LTK: variants seen among roughly 807,000 people sequenced by gnomAD.
The protein encoded by LTK is leukocyte tyrosine kinase receptor.
Under a neutral mutation model 101.5 loss-of-function variants are expected in LTK, and 117 were observed. The observed-to-expected ratio is 1.15, with a 90% CI of 0.99 to 1.34. The LOEUF is 1.34. Ranked by LOEUF, LTK falls within the 40% of genes most tolerant of loss-of-function variation. The pLI is 0.00. For synonymous variants in LTK, 563 were observed against 494.2 expected (o/e 1.14, Z -1.85); for missense variants, 1,252 against 1,164.7 (o/e 1.07, Z -1.09).
intron 12 of LTK, 32 bp from the exon 13 acceptor site, chr15:41,505,809 G>T (rs773602721): frequency 1.9e-6 from 3 of 1,610,876 alleles, no homozygotes; most frequent in Non-Finnish European, 2.5e-6. Flanking sequence ...TTTCTGAGCT[G>T]CCCTGCACGC....
rs763609055 is a variant in LTK, at chr15:41,511,784, A to AC, written c.657+32dup. On this transcript the variant is annotated intron_variant, in intron 5 of 19. Coordinates refer to ENST00000263800, the MANE Select transcript of LTK (RefSeq NM_002344.6). This position sits in a 1 kb window ranked among gnomAD's most constrained non-coding sequence, Gnocchi z 5.9. ...GAGCGCCCCTGGGGAGAGGATTGGG[A>AC]CCCCAACGCTGAGCGCCGAAGGGAG... The AC allele has an allele frequency of 1.8e-5, 26 of 1,478,308 alleles. No homozygotes were observed. The African/African-American group carries it at 3.3e-4, about 19-fold the overall frequency. 91.6% of individuals were successfully genotyped at this position (1,478,308 alleles called of 1,614,324 possible). A position where few individuals can be genotyped will look rare whatever the true frequency, so the allele number is the denominator to read the frequency against.
intron 7 of LTK, among the ~76,000 whole-genome samples, chr15:41,510,495 CTT>C (rs35271314): frequency 0.39 from 58,800 of 151,148 alleles, 12,084 homozygotes; most frequent in Admixed American, 0.45. Context: ...GAATTTCCCT[CTT>C]GTCGCCCAGG....
At chr15:41,505,629 G>T in intron 13 of LTK, 84 bp downstream of exon 13, 1 of 1,602,194 alleles carries the variant, frequency 6.2e-7, no homozygotes, top group Admixed American at 1.7e-5. Flanking sequence ...CCCCTGACTT[G>T]CTACCTCAGC....
chr15:41,504,037 G>A lies in LTK; in HGVS notation c.2554C>T (p.Leu852Phe), dbSNP rs561901675. The A allele has an allele frequency of 6.2e-7, 1 of 1,612,290 alleles. No homozygotes were observed. The highest frequency in any genetic ancestry group is 1.1e-5 in the South Asian group (1 of 90,958). The change falls in exon 20 of 20, where the codon CTC (leucine) becomes TTC (phenylalanine). Residue 852 changes from leucine (L) to phenylalanine (F), a missense_variant. By Grantham distance (22) the Leu-to-Phe change is conservative (BLOSUM62 0). Transcript: ENST00000263800. ...SGLKPLKSRGLQPQNLWNPTY... is the reference protein window; with the variant it reads ...SGLKPLKSRGFQPQNLWNPTY... ...GGATTCCAAAGGTTCTGAGGTTGGA[G>A]GCCCCTGGATTTGAGGGGCTTGAGG...
chr15:41,506,417 G>A (rs980612798), intron 11 of LTK, among the ~76,000 whole-genome samples: 4 of 152,082 alleles, frequency 2.6e-5, no homozygotes, highest in Admixed American at 1.3e-4. Flanking sequence ...TGATTCTCCT[G>A]CCTCAGTCTC....
Position 41,505,731 on chromosome 15 carries a change from A to G in LTK, c.1679T>C (p.Met560Thr), listed in dbSNP as rs1037136967. Reference sequence around the variant, plus strand: ...GGTGCACCTGATGATGAGGGCCTCCATGAGGAAATCCAGCTCATCCTGAGG... The same window carrying G: ...GGTGCACCTGATGATGAGGGCCTCCGTGAGGAAATCCAGCTCATCCTGAGG... ...CSPQDELDFL[M>T]EALIISKFRH... The change falls in exon 13 of 20, where the codon ATG (methionine) becomes ACG (threonine). Residue 560 changes from methionine to threonine, a missense_variant. By Grantham distance (81) the Met-to-Thr change is moderately conservative. Transcript: ENST00000263800. 2 of 1,613,882 alleles carry G rather than the reference A, an allele frequency of 1.2e-6. No homozygotes were observed. Among genetic ancestry groups the G allele is most frequent in the Non-Finnish European group, 1.7e-6 (2 of 1,179,944 alleles).
rs2051229845 is a variant in LTK, at chr15:41,505,263, C to T, written c.1870G>A (p.Ala624Thr). Residue 624 changes from alanine (A) to threonine (T), a missense_variant, in exon 15 of 20, where the codon GCC becomes ACC. Transcript: ENST00000263800. ...PLVMRDLLQL[A>T]QDIAQGCHYL... is the part of the protein sequence containing the mutation. ...TGGCAGCCCTGGGCTATGTCCTGGGCCAGTTGCAGCAGGTCCCGCATGACC... is the reference window on the plus strand; with the variant it reads ...TGGCAGCCCTGGGCTATGTCCTGGGTCAGTTGCAGCAGGTCCCGCATGACC... The T allele has an allele frequency of 1.9e-6, 3 of 1,613,878 alleles. No homozygotes were observed. The highest frequency in any genetic ancestry group is 2.2e-5 in the South Asian group (2 of 91,072).
intron 11 of LTK, among the ~76,000 whole-genome samples, chr15:41,506,369 A>C (rs997456474): frequency 6.6e-6 from 1 of 152,106 alleles, no homozygotes. Flanking sequence ...CAATAGCGCG[A>C]TCTCGGCTCA....
Position 41,512,149 on chromosome 15 carries a change from A to G in LTK, c.476T>C (p.Leu159Pro), listed in dbSNP as rs756764727. The G allele has an allele frequency of 1.2e-6, 2 of 1,602,928 alleles. No homozygotes were observed. The highest frequency in any genetic ancestry group is 1.4e-5 in the African/African-American group (1 of 72,082). ...SLGLGESLYILVGQQGEDACP... is the reference protein window; with the variant it reads ...SLGLGESLYIPVGQQGEDACP... ...GGCGTCCTCTCCCTGCTGCCCCACCAGGATGTACAGCGACTCCCCGAGACC... is the reference window on the plus strand; with the variant it reads ...GGCGTCCTCTCCCTGCTGCCCCACCGGGATGTACAGCGACTCCCCGAGACC... Residue 159 changes from leucine (L) to proline (P), a missense_variant, in exon 4 of 20, where the codon CTG becomes CCG. Transcript: ENST00000263800.
Position 41,504,495 on chromosome 15 carries a change from A to G in LTK, c.2255+11T>C, listed in dbSNP as rs1281244377. 3 of 1,613,074 alleles carry G rather than the reference A, an allele frequency of 1.9e-6. No individual in the cohort carries two copies. The highest frequency in any genetic ancestry group is 1.7e-6 in the Non-Finnish European group (2 of 1,179,546). Reference sequence around the variant, plus strand: ...TGAAGGACCTCCCTTCCCGGGCAGCACTCAACTCACACAGGCCCTGGGCAG... The same window carrying G: ...TGAAGGACCTCCCTTCCCGGGCAGCGCTCAACTCACACAGGCCCTGGGCAG... On this transcript the variant is annotated intron_variant, in intron 18 of 19. Coordinates refer to ENST00000263800, the MANE Select transcript of LTK (RefSeq NM_002344.6).
rs778586268 is a variant in LTK at position 41,509,014 on chromosome 15, G to A, written c.1096+17C>T. 3 of 1,571,626 alleles carry A rather than the reference G, an allele frequency of 1.9e-6. No homozygotes were observed. Among genetic ancestry groups the A allele is most frequent in the Non-Finnish European group, 2.6e-6 (3 of 1,152,500 alleles). On this transcript the variant is annotated intron_variant, in intron 8 of 19. Transcript: ENST00000263800. ...AGAAGTCCAGGCCAGGCTCAGAGGT[G>A]GGGTTGGGGCCAATACCTGCCAGAG...
chr15:41,511,679 G>T lies in LTK; in HGVS notation c.658-101C>A, dbSNP rs2051468152. On this transcript the variant is annotated intron_variant, in intron 5 of 19. Transcript: ENST00000263800. This position sits in a 1 kb window ranked among gnomAD's most constrained non-coding sequence, Gnocchi z 5.9. ...CCCAGGGGGCCTGGATAAGGGCAGGGGCCCCCAGCCCAGCCCAGGCCAGCC... is the reference window on the plus strand; with the variant it reads ...CCCAGGGGGCCTGGATAAGGGCAGGTGCCCCCAGCCCAGCCCAGGCCAGCC... 3.0e-5 allele frequency: 42 copies of T among 1,410,992 alleles called. No individual in the cohort carries two copies. The highest frequency in any genetic ancestry group is 3.8e-5 in the Non-Finnish European group (42 of 1,092,538). 87.4% of individuals were successfully genotyped at this position (1,410,992 alleles called of 1,614,324 possible). A position where few individuals can be genotyped will look rare whatever the true frequency, so the allele number is the denominator to read the frequency against.
intron 9 of LTK, 73 bp from the exon 10 acceptor site, chr15:41,507,730 T>C (rs1444319611): frequency 1.4e-6 from 2 of 1,459,560 alleles, no homozygotes; most frequent in Non-Finnish European, 1.8e-6. Context: ...TACCCACGCT[T>C]CAAGACTCAG....
chr15:41,513,584 C>T, intron 1 of LTK, 83 bp downstream of exon 1: 1 of 1,285,958 alleles, frequency 7.8e-7, no homozygotes, highest in Non-Finnish European at 1.1e-6. Context: ...GAACCACTGA[C>T]ACCTGGCCTG....
At chr15:41,505,185 C>T (rs369335601) in intron 15 of LTK, 23 bp downstream of exon 15, 3 of 1,609,624 alleles carry the variant, frequency 1.9e-6, no homozygotes, top group Admixed American at 1.7e-5. Context: ...ATGGGGGTCC[C>T]CTGAGCCAGG....
At chr15:41,512,928 A>T in intron 2 of LTK, 49 bp downstream of exon 2, 1 of 1,610,420 alleles carries the variant, frequency 6.2e-7, no homozygotes, top group Non-Finnish European at 8.5e-7. Context: ...GCTGGGCCAG[A>T]GGGGTCTGGT....
chr15:41,512,990 C>A lies in LTK; in HGVS notation c.174G>T (p.Pro58=). ...APPSILEPAS[P]LNSPGTEGSW... is the part of the protein sequence containing the mutation. ...TCTAAAGCTCACCCGGAGAATTCAG[C>A]GGGGAGGCTGGCTCCAAGATACTAG... The change falls in exon 2 of 20, where the codon CCG becomes CCT. Residue 58 remains proline (P), a synonymous_variant. Coordinates refer to ENST00000263800, the MANE Select transcript of LTK (RefSeq NM_002344.6). The A allele has an allele frequency of 6.2e-7, 1 of 1,613,586 alleles. No homozygotes were observed. The highest frequency in any genetic ancestry group is 1.3e-5 in the African/African-American group (1 of 75,022).
intron 4 of LTK, 66 bp from the exon 5 acceptor site, chr15:41,512,029 G>GGCCCC (rs1566874738): frequency 9.5e-6 from 14 of 1,468,818 alleles, no homozygotes; most frequent in Non-Finnish European, 1.3e-5. Context: ...TGGTGACCCG[G>GGCCCC]CACCGAGGAA....
chr15:41,513,269 C>G (rs1043639771), intron 1 of LTK, 149 bp from the exon 2 acceptor site: 1 of 958,050 alleles, frequency 1.0e-6, no homozygotes, highest in African/African-American at 1.7e-5. Context: ...AGCCACTACC[C>G]GACTCCGGTC....
Sources: allele counts gnomAD v4.1 joint callset (sites outside exome capture counted in the v4.1 genomes callset), GRCh38; gene constraint gnomAD v4.1.1; non-coding constraint Gnocchi (gnomAD v3.1); transcripts MANE v1.5; gene names NCBI Gene and HGNC (gene_info 2026-07-23, HGNC 2026-07-21).